The following UNC80 variants were observed in gnomAD, a reference collection of about 807,000 sequenced individuals.
The protein encoded by UNC80 is unc-80 subunit of NALCN channel complex.
In UNC80, 164 loss-of-function variants were observed where a neutral mutation model predicts 384.6. That is an observed-to-expected ratio of 0.43 (90% CI 0.38 to 0.49). UNC80 has a LOEUF of 0.49. Among genes scored for constraint, UNC80 ranks in the 20% least tolerant of loss-of-function variants. UNC80 has a pLI of 0.00. For synonymous variants in UNC80, 1,486 were observed against 1,527.8 expected (o/e 0.97, Z 0.64); for missense variants, 3,330 against 4,143.0 (o/e 0.80, Z 5.39).
chr2:209,913,276 A>G (rs2089159385), intron 30 of UNC80, among the ~76,000 whole-genome samples: 1 of 152,164 alleles, frequency 6.6e-6, no homozygotes, highest in Non-Finnish European at 1.5e-5. Context: ...TAGAACCTAT[A>G]TTTGTCACCC....
At chr2:209,993,955 T>A in intron 63 of UNC80, 110 bp from the exon 64 acceptor site, 1 of 968,980 alleles carries the variant, frequency 1.0e-6, no homozygotes, top group East Asian at 2.8e-5. Flanking sequence ...ACCAGCAATG[T>A]TTTTATTTTA....
chr2:209,835,924 A>T (rs2081306428), intron 18 of UNC80, among the ~76,000 whole-genome samples: 1 of 152,200 alleles, frequency 6.6e-6, no homozygotes, highest in Non-Finnish European at 1.5e-5. Context: ...AAAATCTTAG[A>T]AATTTTGTAG....
chr2:209,904,849 C>A lies in UNC80; in HGVS notation c.4666C>A (p.Arg1556Ser). 1 of 1,551,930 alleles carries A rather than the reference C, an allele frequency of 6.4e-7. No individual in the cohort carries two copies. The highest frequency in any genetic ancestry group is 1.2e-5 in the South Asian group (1 of 84,060). The change falls in exon 29 of 65, where the codon CGC (arginine) becomes AGC (serine). Residue 1556 changes from arginine (R) to serine (S), a missense_variant. Physicochemically the swap from Arg to Ser is moderately radical, Grantham distance 110. Transcript: ENST00000673920. ...TCCCCACTGCTACCTGCACCACAGCCGCTCCTGTGCCCGACTGGTCAGAGC... is the reference window on the plus strand; with the variant it reads ...TCCCCACTGCTACCTGCACCACAGCAGCTCCTGTGCCCGACTGGTCAGAGC... ...CHPHCYLHHS[R>S]SCARLVRAIK...
chr2:209,957,421 A>T (rs1312543461), intron 48 of UNC80, among the ~76,000 whole-genome samples: 1 of 152,194 alleles, frequency 6.6e-6, no homozygotes, highest in Non-Finnish European at 1.5e-5. Context: ...AAAGAAGTGG[A>T]AGAACTTAAA....
Position 209,789,586 on chromosome 2 carries a change from A to G in UNC80, c.779A>G (p.Gln260Arg). Reference protein sequence around the residue: ...SQSRTCESPNQDARHLEGLQV... With the variant: ...SQSRTCESPNRDARHLEGLQV... The stretch of plus-strand genomic sequence containing the variant: ...AGCCGGACCTGTGAATCACCAAATC[A>G]AGATGCAAGACACTTAGAGGTTAGT... The change falls in exon 6 of 65, where the codon CAA (glutamine) becomes CGA (arginine). Residue 260 changes from glutamine (Q) to arginine (R), a missense_variant. Coordinates refer to ENST00000673920, the MANE Select transcript of UNC80 (RefSeq NM_001371986.1). 1 of 1,612,912 alleles carries G rather than the reference A, an allele frequency of 6.2e-7. No individual in the cohort carries two copies. Among genetic ancestry groups the G allele is most frequent in the Non-Finnish European group, 8.5e-7 (1 of 1,179,074 alleles).
chr2:209,884,683 G>A (rs1574883025), intron 25 of UNC80, among the ~76,000 whole-genome samples: 2 of 152,160 alleles, frequency 1.3e-5, no homozygotes, highest in Non-Finnish European at 2.9e-5. Context: ...TAAAGAAAAT[G>A]TTGTACATAT....
At chr2:209,911,205 G>GT (rs2088898838) in intron 29 of UNC80, among the ~76,000 whole-genome samples, 1 of 151,956 alleles carries the variant, frequency 6.6e-6, no homozygotes. Flanking sequence ...CCAGTTTTTA[G>GT]TATCTTGACT....
chr2:209,854,917 ACCATTTGACCCAGCAATC>A (rs1469147021), intron 22 of UNC80, among the ~76,000 whole-genome samples: 1 of 152,196 alleles, frequency 6.6e-6, no homozygotes, highest in Non-Finnish European at 1.5e-5. Context: ...AACCAGAAAT[ACCATTTGACCCAGCAATC>A]CCATTACTGG....
In UNC80 at chr2:209,955,692, A is replaced by AAT. The variant is rs57804600; in HGVS notation, c.7457+1468_7457+1469dup. Among the ~76,000 whole-genome samples, 454 of 51,388 alleles carry AAT rather than the reference A, an allele frequency of 8.8e-3. 2 individuals carry two copies. The highest frequency in any genetic ancestry group is 0.01 in the Non-Finnish European group (263 of 25,560). The allele number at this position is 51,388 out of a possible 152,430, so 33.7% of individuals were successfully genotyped here. A position where few individuals can be genotyped will look rare whatever the true frequency, so the allele number is the denominator to read the frequency against. On this transcript the variant is annotated intron_variant, in intron 48 of 64. Transcript: ENST00000673920. Reference sequence around the variant, plus strand: ...TGTTCCCAAATGCCACTGTATTTCTAATATATATATATATATATATATATA... The same window carrying AAT: ...TGTTCCCAAATGCCACTGTATTTCTAATATATATATATATATATATATATATA...
chr2:209,855,698 T>G (rs1290795726), intron 22 of UNC80, among the ~76,000 whole-genome samples: 3 of 150,918 alleles, frequency 2.0e-5, no homozygotes, highest in Non-Finnish European at 2.9e-5. Flanking sequence ...AATATATTAT[T>G]TTATTTTGTT....
chr2:209,974,145 A>G (rs2092951106), intron 56 of UNC80, among the ~76,000 whole-genome samples: 2 of 152,202 alleles, frequency 1.3e-5, no homozygotes, highest in South Asian at 4.1e-4. Flanking sequence ...CAAAGCAGAT[A>G]TTGGTGAGAA....
intron 61 of UNC80, among the ~76,000 whole-genome samples, chr2:209,990,083 T>C (rs1443999957): frequency 6.6e-6 from 1 of 152,196 alleles, no homozygotes; most frequent in East Asian, 1.9e-4. Flanking sequence ...CTCTTAGATA[T>C]AAGCCTCTCT....
At chr2:209,894,027 G>C (rs2086589472) in intron 26 of UNC80, 136 bp from the exon 27 acceptor site, 1 of 446,694 alleles carries the variant, frequency 2.2e-6, no homozygotes, top group South Asian at 9.3e-5. Flanking sequence ...TGGGGGCTTG[G>C]GAGAAGCTCC....
At chr2:209,982,508 A>C in intron 60 of UNC80, 191 bp downstream of exon 60, 1 of 591,432 alleles carries the variant, frequency 1.7e-6, no homozygotes, top group African/African-American at 1.9e-5. Flanking sequence ...AAGCCAAGCT[A>C]GTAGAAGGGA....
At chr2:209,808,509 CCGATAT>C (rs1284183577) in intron 7 of UNC80, among the ~76,000 whole-genome samples, 1 of 147,118 alleles carries the variant, frequency 6.8e-6, no homozygotes, top group African/African-American at 2.5e-5. Context: ...TTGTAGTGAG[CCGATAT>C]CGCGCCACTA....
chr2:209,932,720 A>G (rs2090975509), intron 38 of UNC80, among the ~76,000 whole-genome samples: 1 of 152,214 alleles, frequency 6.6e-6, no homozygotes, highest in Non-Finnish European at 1.5e-5. Flanking sequence ...TAGTGCACAC[A>G]AGGAAGACCC....
intron 61 of UNC80, among the ~76,000 whole-genome samples, chr2:209,987,292 A>T (rs1470676536): frequency 1.3e-5 from 2 of 151,888 alleles, no homozygotes; most frequent in East Asian, 3.8e-4. Context: ...ACCTATAGAA[A>T]ATTACTTCTA....
chr2:209,790,516 CT>C (rs2077730205), intron 6 of UNC80, among the ~76,000 whole-genome samples: 1 of 152,132 alleles, frequency 6.6e-6, no homozygotes, highest in African/African-American at 2.4e-5. Context: ...TCTTTGGCCC[CT>C]TATGATCTCC....
chr2:209,903,964 G>A (rs921175051), intron 28 of UNC80, among the ~76,000 whole-genome samples: 1 of 152,002 alleles, frequency 6.6e-6, no homozygotes. Context: ...AAGGATGGAA[G>A]CATTCAGAAG....
Sources: gnomAD v4.1 joint callset for allele counts (sites outside exome capture counted in the v4.1 genomes callset) on GRCh38, gnomAD v4.1.1 for gene constraint, MANE v1.5 for transcripts, NCBI Gene and HGNC (gene_info 2026-07-23, HGNC 2026-07-21) for gene names.